The following FOXN3 variants were observed in gnomAD, a reference collection of about 807,000 sequenced individuals.
The protein encoded by FOXN3 is forkhead box N3.
A neutral mutation model predicts 38.4 loss-of-function variants in FOXN3; 7 were observed. The observed-to-expected ratio is 0.18, with a 90% CI of 0.10 to 0.34. The LOEUF (loss-of-function observed/expected upper bound fraction) is 0.34, where lower values mean the gene tolerates loss of function less well. FOXN3 is among the 10% of genes least tolerant of loss of function. The pLI, the probability that FOXN3 is intolerant of heterozygous loss-of-function variation, is 1.00. For synonymous variants in FOXN3, 230 were observed against 242.2 expected, an observed-to-expected ratio of 0.95 and a Z score of 0.47; for missense variants, 456 against 613.4, an observed-to-expected ratio of 0.74 and a Z score of 2.71.
chr14:89,449,779 C>CCCCT (rs1892578028), intron 1 of FOXN3, among the ~76,000 whole-genome samples: 1 of 152,146 alleles, frequency 6.6e-6, no homozygotes, highest in Non-Finnish European at 1.5e-5. Context: ...CAGCTTTGCC[C>CCCCT]CCCTCCCTCC....
At chr14:89,476,446 G>T (rs370892008) in intron 1 of FOXN3, among the ~76,000 whole-genome samples, 1 of 152,146 alleles carries the variant, frequency 6.6e-6, no homozygotes, top group Non-Finnish European at 1.5e-5. Context: ...ATGCTCTCGC[G>T]TGTACTATGT....
intron 3 of FOXN3, among the ~76,000 whole-genome samples, chr14:89,306,070 G>T (rs889940170): frequency 2.0e-5 from 3 of 152,180 alleles, no homozygotes; most frequent in Non-Finnish European, 4.4e-5. Context: ...TGCATATAAT[G>T]CTCAGCAGCT....
intron 4 of FOXN3, among the ~76,000 whole-genome samples, chr14:89,248,640 A>T (rs1885365890): frequency 6.6e-6 from 1 of 152,242 alleles, no homozygotes. Flanking sequence ...GCAGTGGAAA[A>T]CTGCCTGCTT....
intron 4 of FOXN3, among the ~76,000 whole-genome samples, chr14:89,280,361 T>G (rs994764568): frequency 2.0e-5 from 3 of 152,156 alleles, no homozygotes; most frequent in Admixed American, 6.5e-5. Flanking sequence ...GCCTAGGGAC[T>G]AGGACAAGGC....
chr14:89,283,498 T>C (rs1886524269), intron 3 of FOXN3, among the ~76,000 whole-genome samples: 1 of 152,170 alleles, frequency 6.6e-6, no homozygotes, highest in Admixed American at 6.5e-5. Flanking sequence ...CCACACATAG[T>C]ACATGAAATT....
chr14:89,569,537 G>A (rs150861364), intron 1 of FOXN3, among the ~76,000 whole-genome samples: 134 of 152,268 alleles, frequency 8.8e-4, no homozygotes, highest in Middle Eastern at 6.8e-3. Context: ...TACTTTGGAG[G>A]TCTACCTGGA....
At position 89,599,379 on chromosome 14, in the gene FOXN3, A is replaced by G. The variant is rs115166678; in HGVS notation, c.-15+19649T>C. On this transcript the variant is annotated intron_variant, in intron 1 of 6. Transcript: ENST00000345097. The stretch of plus-strand genomic sequence containing the variant: ...GTTCACTCATTTAGATTTTAACTGC[A>G]GTAATTGTATTTTTCAGTTCCAGAA... 9.6e-3 allele frequency among the ~76,000 whole-genome samples: 1,468 copies of G among 152,270 alleles called. 15 individuals carry two copies. Among genetic ancestry groups the G allele is most frequent in the African/African-American group, 0.033 (1,380 of 41,558 alleles).
intron 3 of FOXN3, among the ~76,000 whole-genome samples, chr14:89,333,960 TGG>T (rs1888345308): frequency 1.1e-5 from 1 of 87,798 alleles, no homozygotes; most frequent in Admixed American, 1.6e-4. Flanking sequence ...GAAGAAAATG[TGG>T]TGTGTATATA....
chr14:89,498,701 G>A (rs915659741), intron 1 of FOXN3, among the ~76,000 whole-genome samples: 3 of 151,802 alleles, frequency 2.0e-5, no homozygotes, highest in Admixed American at 6.6e-5. Context: ...TTTCCAGAAC[G>A]CAGAATTGTT....
At chr14:89,483,202 G>A (rs114313808) in intron 1 of FOXN3, among the ~76,000 whole-genome samples, 1,730 of 152,076 alleles carry the variant, frequency 0.011, 18 homozygotes, top group African/African-American at 0.038. Context: ...GTGGGACTCT[G>A]TCTCAAAAAA....
intron 1 of FOXN3, among the ~76,000 whole-genome samples, chr14:89,608,622 A>G (rs1896327360): frequency 6.6e-6 from 1 of 152,206 alleles, no homozygotes; most frequent in South Asian, 2.1e-4. Context: ...AGAAGGCAAG[A>G]AACCTTGCCT....
chr14:89,453,774 T>A (rs1226469063), intron 1 of FOXN3, among the ~76,000 whole-genome samples: 2 of 152,136 alleles, frequency 1.3e-5, no homozygotes, highest in African/African-American at 4.8e-5. Flanking sequence ...TCTGGCAATG[T>A]GGATTATAAT....
chr14:89,323,969 T>C (rs1596183925), intron 3 of FOXN3, among the ~76,000 whole-genome samples: 1 of 152,140 alleles, frequency 6.6e-6, no homozygotes, highest in Non-Finnish European at 1.5e-5. Flanking sequence ...TCTAGCGTGG[T>C]GCCTTTGTGC....
intron 1 of FOXN3, among the ~76,000 whole-genome samples, chr14:89,530,814 T>C (rs1246075938): frequency 6.6e-6 from 1 of 150,904 alleles, no homozygotes; most frequent in African/African-American, 2.4e-5. Context: ...TTCACCATGT[T>C]GGCCAGGCTG....
At position 89,362,117 on chromosome 14, in the gene FOXN3, C is replaced by G. The variant is rs370705627; in HGVS notation, c.544-11309G>C. Among the ~76,000 whole-genome samples, 88 of 17,290 alleles carry G rather than the reference C, an allele frequency of 5.1e-3. 1 individual carries two copies. The highest frequency in any genetic ancestry group is 6.6e-3 in the African/African-American group (8 of 1,216). 11.3% of individuals were successfully genotyped at this position (17,290 alleles called of 152,430 possible). Reference sequence around the variant, plus strand: ...ACTACCACCTCCAGCACCACCTCCACCACCACCTCCACCACTACCACCTCC... The same window carrying G: ...ACTACCACCTCCAGCACCACCTCCAGCACCACCTCCACCACTACCACCTCC... On this transcript the variant is annotated intron_variant, in intron 2 of 5. Coordinates refer to ENST00000557258, the MANE Select transcript of FOXN3 (RefSeq NM_005197.4).
intron 1 of FOXN3, among the ~76,000 whole-genome samples, chr14:89,596,723 T>C (rs559329001): frequency 6.6e-6 from 1 of 152,352 alleles, no homozygotes; most frequent in South Asian, 2.1e-4. Context: ...CAACTCAGCC[T>C]GTTATTTTTC....
intron 4 of FOXN3, among the ~76,000 whole-genome samples, chr14:89,245,922 T>G (rs1049423039): frequency 2.6e-5 from 4 of 152,116 alleles, no homozygotes; most frequent in Non-Finnish European, 5.9e-5. Context: ...GAAAGCCACT[T>G]GCTAATCAGA....
At chr14:89,360,767 T>TACCACCTCCAGCACCACCTCCACC (rs1566966443) in intron 2 of FOXN3, among the ~76,000 whole-genome samples, 13 of 17,804 alleles carry the variant, frequency 7.3e-4, no homozygotes, top group Non-Finnish European at 1.1e-3. Context: ...CCTCCACCAC[T>TACCACCTCCAGCACCACCTCCACC]ACCACCTCCA....
chr14:89,445,104 C>A (rs181269232), intron 1 of FOXN3, among the ~76,000 whole-genome samples: 1 of 150,940 alleles, frequency 6.6e-6, no homozygotes, highest in South Asian at 2.1e-4. Context: ...ACTACCTAGG[C>A]GACAGAACAA....
Sources: gnomAD v4.1 joint callset for allele counts (sites outside exome capture counted in the v4.1 genomes callset) on GRCh38, gnomAD v4.1.1 for gene constraint, MANE v1.5 for transcripts, NCBI Gene and HGNC (gene_info 2026-07-23, HGNC 2026-07-21) for gene names.